SUPT6H: variants seen among roughly 807,000 people sequenced by gnomAD.
SUPT6H encodes the protein transcription elongation factor SPT6.
Under a neutral mutation model 222.3 loss-of-function variants are expected in SUPT6H, and 11 were observed. The ratio of observed to expected loss-of-function variants is 0.05; its 90% CI spans 0.03 to 0.08. The LOEUF is 0.08. Ranked by LOEUF, SUPT6H falls within the 10% of genes least tolerant of loss-of-function variation. The pLI is 1.00. For synonymous variants in SUPT6H, 762 were observed against 801.2 expected (o/e 0.95, Z 0.83); for missense variants, 1,422 against 2,216.0 (o/e 0.64, Z 7.19).
chr17:28,700,621 G>A (rs2032093555), intron 35 of SUPT6H, 109 bp downstream of exon 35: 2 of 1,393,374 alleles, frequency 1.4e-6, no homozygotes, highest in Non-Finnish European at 1.9e-6. Context: ...CCACGGCCTT[G>A]GTAACTGTCT....
intron 19 of SUPT6H, among the ~76,000 whole-genome samples, chr17:28,686,010 C>T (rs1364092074): frequency 6.6e-6 from 1 of 152,202 alleles, no homozygotes; most frequent in Non-Finnish European, 1.5e-5. Context: ...GCTACTAGTT[C>T]TTTGTTTTGC....
At chr17:28,668,825 T>C (rs1293484706) in intron 1 of SUPT6H, among the ~76,000 whole-genome samples, 3 of 152,222 alleles carry the variant, frequency 2.0e-5, no homozygotes, top group African/African-American at 7.2e-5. Context: ...GGGGGAGCAA[T>C]GTCAAAATTA....
At chr17:28,666,192 C>A (rs2029999032) in intron 1 of SUPT6H, among the ~76,000 whole-genome samples, 1 of 152,216 alleles carries the variant, frequency 6.6e-6, no homozygotes. Flanking sequence ...AAAGTCACTT[C>A]CTCAAAACCA....
At chr17:28,697,202 C>T (rs748277252) in intron 30 of SUPT6H, 120 bp downstream of exon 30, 3 of 776,610 alleles carry the variant, frequency 3.9e-6, no homozygotes, top group Non-Finnish European at 6.4e-6. Context: ...TGCACAGCAA[C>T]AAAACGGGAG....
At position 28,674,964 on chromosome 17, in the gene SUPT6H, C is replaced by G. The variant is rs1450058504; in HGVS notation, c.346-6C>G. On this transcript the variant is annotated splice_polypyrimidine_tract_variant and splice_region_variant and intron_variant, in intron 4 of 36. Transcript: ENST00000314616. ...ATCCTGATAAGGCAGGTTTTCCCACCCCTAGCAAAAGTACCGGCGTGTCAA... is the reference window on the plus strand; with the variant it reads ...ATCCTGATAAGGCAGGTTTTCCCACGCCTAGCAAAAGTACCGGCGTGTCAA... 1.2e-6 allele frequency: 2 copies of G among 1,613,024 alleles called. No individual in the cohort carries two copies. Among genetic ancestry groups the G allele is most frequent in the Admixed American group, 3.3e-5 (2 of 59,880 alleles).
intron 27 of SUPT6H, among the ~76,000 whole-genome samples, 155 bp from the exon 28 acceptor site, chr17:28,693,541 A>G (rs2031770912): frequency 6.6e-6 from 1 of 152,220 alleles, no homozygotes; most frequent in South Asian, 2.1e-4. Flanking sequence ...AGATGGTCAA[A>G]TTCTGTCTTG....
chr17:28,698,023 A>C lies in SUPT6H; in HGVS notation c.4441A>C (p.Lys1481Gln). The C allele has an allele frequency of 6.2e-7, 1 of 1,609,498 alleles. No homozygotes were observed. The highest frequency in any genetic ancestry group is 8.5e-7 in the Non-Finnish European group (1 of 1,179,948). The change falls in exon 32 of 37, where the codon AAA becomes CAA. Residue 1481 changes from lysine (K) to glutamine (Q), a missense_variant. This residue lies in a region of SUPT6H where 395 missense variants were observed against 580.6 expected (regional missense o/e 0.68). Transcript: ENST00000314616. ...CCTACTGGGATACCAGCCCCGGGGT[A>C]AACCCAGGTGAGCACTAGTGCTGAG... ...KFLLGYQPRG[K>Q]PRIEYVTVTP... is the part of the protein sequence containing the mutation.
In SUPT6H at chr17:28,702,263, C is replaced by T. The variant is rs1485616582; in HGVS notation, c.*638C>T. ...GCCAAAGCCTCTCTCTCCAACTCTC[C>T]AGCTCTTTGAGGGGTGGCTTTCAAA... On this transcript the variant is annotated 3_prime_UTR_variant, in exon 37 of 37. Coordinates refer to ENST00000314616, the MANE Select transcript of SUPT6H (RefSeq NM_003170.5). 6.5e-6 allele frequency: 1 copy of T among 152,846 alleles called. No individual in the cohort carries two copies. Among genetic ancestry groups the T allele is most frequent in the Admixed American group, 6.5e-5 (1 of 15,298 alleles). 9.5% of individuals were successfully genotyped at this position (152,846 alleles called of 1,614,324 possible). A position where few individuals can be genotyped will look rare whatever the true frequency, so the allele number is the denominator to read the frequency against.
At chr17:28,685,021 G>A in intron 19 of SUPT6H, 60 bp downstream of exon 19, 1 of 1,489,734 alleles carries the variant, frequency 6.7e-7, no homozygotes, top group East Asian at 2.3e-5. Flanking sequence ...TGATTCAGTG[G>A]AGATAAGTGT....
chr17:28,690,995 C>T lies in SUPT6H; in HGVS notation c.3565C>T (p.Arg1189Cys), dbSNP rs895722676. Residue 1189 changes from arginine to cysteine, a missense_variant, in exon 27 of 37, where the codon CGC (arginine) becomes TGC (cysteine). Arg to Cys is a radical substitution (Grantham distance 180, BLOSUM62 -3). Around this residue, in one of 13 missense-constraint regions of SUPT6H, gnomAD observed 60 missense variants for 96.7 expected, o/e 0.62. Coordinates refer to ENST00000314616, the MANE Select transcript of SUPT6H (RefSeq NM_003170.5). ...GGGTGAGAGCTATGACCAGGCGATC[C>T]GCAATGATGAGACAGGGCTGTGGCA... Reference protein sequence around the residue: ...PQGESYDQAIRNDETGLWQCP... With the variant: ...PQGESYDQAICNDETGLWQCP... 5 of 1,614,116 alleles carry T rather than the reference C, an allele frequency of 3.1e-6. No homozygotes were observed. The highest frequency in any genetic ancestry group is 4.2e-6 in the Non-Finnish European group (5 of 1,180,026).
rs2031092915 is a variant in SUPT6H, at chr17:28,681,362, C to T, written c.1456C>T (p.Arg486Cys). ...GATGCAGAACGCCGCCAAAGCTAGC[C>T]GCAAGAAGCTGAAGCGTGTCAGGGA... ...PKMQNAAKAS[R>C]KKLKRVREEG... The change falls in exon 12 of 37, where the codon CGC becomes TGC. Residue 486 changes from arginine to cysteine, a missense_variant. This residue lies in a region of SUPT6H where 389 missense variants were observed against 544.6 expected (regional missense o/e 0.71). Transcript: ENST00000314616. 15 of 1,612,080 alleles carry T rather than the reference C, an allele frequency of 9.3e-6. No individual in the cohort carries two copies. Among genetic ancestry groups the T allele is most frequent in the East Asian group, 2.2e-5 (1 of 44,852 alleles).
intron 36 of SUPT6H, 116 bp downstream of exon 36, chr17:28,701,244 G>T: frequency 2.8e-6 from 4 of 1,439,012 alleles, no homozygotes; most frequent in South Asian, 2.6e-5. Flanking sequence ...CTGACCACAT[G>T]ATATGCCAGG....
chr17:28,678,737 C>T, intron 10 of SUPT6H, 84 bp from the exon 11 acceptor site: 5 of 1,610,834 alleles, frequency 3.1e-6, no homozygotes, highest in Admixed American at 1.7e-5. Flanking sequence ...AGTCCTCCCC[C>T]ACTAGGTTTC....
chr17:28,677,700 T>G lies in SUPT6H; in HGVS notation c.898-15T>G. On this transcript the variant is annotated splice_polypyrimidine_tract_variant and intron_variant, in intron 7 of 36. Transcript: ENST00000314616. The stretch of plus-strand genomic sequence containing the variant: ...AGATAAAGTCCGTCTCACCCTGTTG[T>G]CTTATCCACTCCAGCTCCGCTCCAT... The G allele has an allele frequency of 1.2e-6, 2 of 1,603,652 alleles. No individual in the cohort carries two copies. Among genetic ancestry groups the G allele is most frequent in the Non-Finnish European group, 1.7e-6 (2 of 1,171,382 alleles).
intron 1 of SUPT6H, among the ~76,000 whole-genome samples, chr17:28,669,468 C>T (rs1326561497): frequency 6.6e-6 from 1 of 152,310 alleles, no homozygotes; most frequent in East Asian, 1.9e-4. Context: ...GCATGAGCCA[C>T]AGCACTCGGC....
intron 7 of SUPT6H, 104 bp downstream of exon 7, chr17:28,676,534 A>G: frequency 6.6e-7 from 1 of 1,526,638 alleles, no homozygotes; most frequent in Non-Finnish European, 8.8e-7. Flanking sequence ...ACAGGTTTGA[A>G]CCTCATCTCA....
At chr17:28,697,818 G>T (rs878910602) in intron 31 of SUPT6H, 85 bp downstream of exon 31, 1 of 1,604,848 alleles carries the variant, frequency 6.2e-7, no homozygotes. Flanking sequence ...ACACTCAGGC[G>T]GTGAAGGAAG....
intron 1 of SUPT6H, among the ~76,000 whole-genome samples, chr17:28,673,167 A>AT (rs1555547423): frequency 6.6e-6 from 1 of 151,192 alleles, no homozygotes; most frequent in Admixed American, 6.6e-5. Flanking sequence ...AAAAAAAAAA[A>AT]GTACATATGA....
intron 29 of SUPT6H, among the ~76,000 whole-genome samples, 169 bp from the exon 30 acceptor site, chr17:28,696,673 AGC>A (rs1312068952): frequency 6.6e-6 from 1 of 150,876 alleles, no homozygotes; most frequent in Non-Finnish European, 1.5e-5. Context: ...GGATCGCTTG[AGC>A]CCAGGAGTTC....
Sources: allele counts gnomAD v4.1 joint callset (sites outside exome capture counted in the v4.1 genomes callset), GRCh38; gene constraint gnomAD v4.1.1; regional missense constraint gnomAD v4.1.1; transcripts MANE v1.5; gene names NCBI Gene and HGNC (gene_info 2026-07-23, HGNC 2026-07-21).